ANKRD11: variants seen among roughly 807,000 people sequenced by gnomAD.
The protein encoded by ANKRD11 is ankyrin repeat domain-containing protein 11.
Under a neutral mutation model 195.7 loss-of-function variants are expected in ANKRD11, and 17 were observed. The ratio of observed to expected loss-of-function variants is 0.09; its 90% CI spans 0.06 to 0.13. The LOEUF (loss-of-function observed/expected upper bound fraction) is 0.13, where lower values mean the gene tolerates loss of function less well. Ranked by LOEUF, ANKRD11 falls within the 10% of genes least tolerant of loss-of-function variation. ANKRD11 has a pLI of 1.00. For synonymous variants in ANKRD11, 1,953 were observed against 1,528.1 expected (o/e 1.28, Z -6.49); for missense variants, 3,735 against 3,566.1 (o/e 1.05, Z -1.21).
At chr16:89,480,918 T>G (rs2057424598) in intron 1 of ANKRD11, among the ~76,000 whole-genome samples, 1 of 151,966 alleles carries the variant, frequency 6.6e-6, no homozygotes, top group Non-Finnish European at 1.5e-5. Context: ...TGCCCACTTC[T>G]CCCTCCAGAA....
intron 1 of ANKRD11, among the ~76,000 whole-genome samples, chr16:89,485,080 T>G (rs946349807): frequency 7.8e-5 from 9 of 115,016 alleles, no homozygotes; most frequent in African/African-American, 2.5e-4. Flanking sequence ...TCAACAGGAT[T>G]CGGTCCTCTA....
chr16:89,313,624 T>C, intron 3 of ANKRD11: 1 of 1,285,318 alleles, frequency 7.8e-7, no homozygotes, highest in South Asian at 1.2e-5. Context: ...CATAAAGCTA[T>C]ATCTGGAGAA....
intron 1 of ANKRD11, among the ~76,000 whole-genome samples, chr16:89,426,366 G>C (rs1049103927): frequency 6.6e-6 from 1 of 152,110 alleles, no homozygotes; most frequent in Admixed American, 6.6e-5. Flanking sequence ...GTGCTGGACT[G>C]TGCAATACCT....
intron 3 of ANKRD11, among the ~76,000 whole-genome samples, chr16:89,314,520 GCT>G (rs1447284116): frequency 1.3e-5 from 2 of 152,136 alleles, no homozygotes; most frequent in African/African-American, 4.8e-5. Context: ...AACACGACCT[GCT>G]CTCTGTGGCT....
Position 89,280,742 on chromosome 16 carries a change from G to A in ANKRD11, c.5800C>T (p.Leu1934=). The change falls in exon 9 of 13, where the codon CTG becomes TTG. Residue 1934 remains leucine, a synonymous_variant. Transcript: ENST00000301030. ...IPPEPSYLEP[L]DEGPFSAVIT... ...ACGGCGCTGAAGGGACCCTCGTCCA[G>A]CGGCTCCAGGTAGCTGGGCTCCGGG... 2 of 1,613,514 alleles carry A rather than the reference G, an allele frequency of 1.2e-6. No individual in the cohort carries two copies. Among genetic ancestry groups the A allele is most frequent in the Non-Finnish European group, 1.7e-6 (2 of 1,179,912 alleles).
intron 2 of ANKRD11, among the ~76,000 whole-genome samples, chr16:89,326,844 C>G (rs1241648581): frequency 1.3e-5 from 2 of 152,224 alleles, no homozygotes; most frequent in Non-Finnish European, 2.9e-5. Context: ...GGGCTTAACA[C>G]AAAGCCTGCC....
At chr16:89,449,468 C>T (rs1301790205) in intron 1 of ANKRD11, among the ~76,000 whole-genome samples, 1 of 151,946 alleles carries the variant, frequency 6.6e-6, no homozygotes, top group African/African-American at 2.4e-5. Context: ...ATTATACCCA[C>T]ACACCCCTTC....
At chr16:89,406,707 GAAGAAGAT>G (rs1303931141) in intron 2 of ANKRD11, among the ~76,000 whole-genome samples, 6 of 152,200 alleles carry the variant, frequency 3.9e-5, no homozygotes, top group Non-Finnish European at 8.8e-5. Flanking sequence ...ACAGACTTCT[GAAGAAGAT>G]GGACCTCAGT....
At position 89,280,446 on chromosome 16, in the gene ANKRD11, C is replaced by G; in HGVS notation, c.6096G>C (p.Pro2032=). ...PAPYALPVAE[P]GLEDVKDGVD... ...CTCCGTCCTTGACGTCCTCCAGCCC[C>G]GGCTCAGCGACGGGCAGAGCGTACG... Residue 2032 remains proline (P), a synonymous_variant, in exon 9 of 13, where the codon CCG becomes CCC. Coordinates refer to ENST00000301030, the MANE Select transcript of ANKRD11 (RefSeq NM_013275.6). 1 of 1,586,008 alleles carries G rather than the reference C, an allele frequency of 6.3e-7. No homozygotes were observed. Among genetic ancestry groups the G allele is most frequent in the Non-Finnish European group, 8.6e-7 (1 of 1,164,596 alleles).
chr16:89,280,607 G>C lies in ANKRD11; in HGVS notation c.5935C>G (p.Leu1979Val), dbSNP rs774653782. ...NPVSWPVGSD[L>V]LLKSPQRFPE... Reference sequence around the variant, plus strand: ...AATCTCTGTGGAGACTTCAGCAGGAGGTCCGAGCCCACAGGCCAGCTCACA... The same window carrying C: ...AATCTCTGTGGAGACTTCAGCAGGACGTCCGAGCCCACAGGCCAGCTCACA... The change falls in exon 9 of 13, where the codon CTC (leucine) becomes GTC (valine). Residue 1979 changes from leucine to valine, a missense_variant. By Grantham distance (32) the Leu-to-Val change is conservative. Coordinates refer to ENST00000301030, the MANE Select transcript of ANKRD11 (RefSeq NM_013275.6). 6 of 1,613,498 alleles carry C rather than the reference G, an allele frequency of 3.7e-6. No individual in the cohort carries two copies. In the Admixed American group the frequency reaches 8.3e-5, roughly 22 times the overall value.
At chr16:89,351,799 G>A (rs1400391160) in intron 2 of ANKRD11, among the ~76,000 whole-genome samples, 1 of 152,224 alleles carries the variant, frequency 6.6e-6, no homozygotes, top group Admixed American at 6.5e-5. Context: ...TGACAGCAAT[G>A]TTCTAGAACT....
In ANKRD11 at chr16:89,284,312, T is replaced by C; in HGVS notation, c.2230A>G (p.Lys744Glu). Reference protein sequence around the residue: ...EEKDRSNKAEKERSLKEKSPK... With the variant: ...EEKDRSNKAEEERSLKEKSPK... ...GACTTTTCCTTCAGCGATCTCTCCT[T>C]TTCTGCTTTATTCGAACGGTCTTTC... Residue 744 changes from lysine to glutamate, a missense_variant, in exon 9 of 13, where the codon AAG (lysine) becomes GAG (glutamate). Lys to Glu is a moderately conservative substitution (Grantham distance 56, BLOSUM62 1). Coordinates refer to ENST00000301030, the MANE Select transcript of ANKRD11 (RefSeq NM_013275.6). 6.2e-7 allele frequency: 1 copy of C among 1,613,970 alleles called. No individual in the cohort carries two copies. The highest frequency in any genetic ancestry group is 8.5e-7 in the Non-Finnish European group (1 of 1,180,030).
chr16:89,427,548 G>A (rs974018689), intron 1 of ANKRD11, among the ~76,000 whole-genome samples: 1 of 152,230 alleles, frequency 6.6e-6, no homozygotes, highest in Non-Finnish European at 1.5e-5. Flanking sequence ...TGTAATCACA[G>A]CACTTTAGGA....
At position 89,462,948 on chromosome 16, in the gene ANKRD11, T is replaced by TG. The variant is rs765920653; in HGVS notation, c.-145+27296dup. ...GCCCCGTCCGGGAGGGAGGTGGAGG[T>TG]GGGGGGGGTCAGCCCCCCCGCCAGG... On this transcript the variant is annotated intron_variant, in intron 1 of 12. Transcript: ENST00000301030. Among the ~76,000 whole-genome samples, 210 of 126,082 alleles carry TG rather than the reference T, an allele frequency of 1.7e-3. 1 individual carries two copies. The highest frequency in any genetic ancestry group is 6.6e-3 in the South Asian group (25 of 3,814). The allele number at this position is 126,082 out of a possible 152,430, so 82.7% of individuals were successfully genotyped here. A position where few individuals can be genotyped will look rare whatever the true frequency, so the allele number is the denominator to read the frequency against.
chr16:89,434,043 A>G (rs2152276760), intron 1 of ANKRD11, among the ~76,000 whole-genome samples: 1 of 152,280 alleles, frequency 6.6e-6, no homozygotes, highest in African/African-American at 2.4e-5. Flanking sequence ...TGTGTCACCT[A>G]CAGAGAAGGG....
intron 2 of ANKRD11, chr16:89,373,526 G>A (rs577569838): frequency 3.3e-5 from 5 of 152,390 alleles, no homozygotes; most frequent in East Asian, 3.9e-4. Context: ...CTGAGTGGAC[G>A]GCTGCAAGGG....
At chr16:89,305,078 G>C (rs2036099759) in intron 4 of ANKRD11, 128 bp downstream of exon 4, 6 of 1,405,724 alleles carry the variant, frequency 4.3e-6, no homozygotes, top group Non-Finnish European at 5.7e-6. Flanking sequence ...CTCTTGCCTG[G>C]ACGGCGTGCA....
chr16:89,373,734 T>C (rs1303585543), intron 2 of ANKRD11, among the ~76,000 whole-genome samples: 3 of 152,172 alleles, frequency 2.0e-5, no homozygotes, highest in Non-Finnish European at 2.9e-5. Flanking sequence ...GCGGGAGGCA[T>C]GCACACGACA....
At chr16:89,310,849 A>AT (rs2036570633) in intron 3 of ANKRD11, among the ~76,000 whole-genome samples, 1 of 152,208 alleles carries the variant, frequency 6.6e-6, no homozygotes, top group Non-Finnish European at 1.5e-5. Flanking sequence ...GCTTTCCTCC[A>AT]TCAATGTCTG....
Sources: allele counts gnomAD v4.1 joint callset (sites outside exome capture counted in the v4.1 genomes callset), GRCh38; gene constraint gnomAD v4.1.1; transcripts MANE v1.5; gene names NCBI Gene and HGNC (gene_info 2026-07-23, HGNC 2026-07-21).